LINGO2: variants seen among roughly 807,000 people sequenced by gnomAD.
The protein encoded by LINGO2 is leucine rich repeat and Ig domain containing 2.
Under a neutral mutation model 30.6 loss-of-function variants are expected in LINGO2, and 14 were observed. That is an observed-to-expected ratio of 0.46 (90% CI 0.30 to 0.72). LINGO2 has a LOEUF of 0.72. LINGO2 is among the 30% of genes least tolerant of loss of function. The pLI is 0.07. For missense variants in LINGO2, 729 were observed against 751.7 expected (o/e 0.97, Z 0.35); for synonymous variants, 317 against 288.5 (o/e 1.10, Z -1.00).
intron 2 of LINGO2, among the ~76,000 whole-genome samples, chr9:28,445,612 G>A (rs1231509224): frequency 6.6e-6 from 1 of 152,118 alleles, no homozygotes; most frequent in Non-Finnish European, 1.5e-5. Context: ...TCAGAATAAT[G>A]TGTACAGTGT....
At position 28,457,599 on chromosome 9, in the gene LINGO2, T is replaced by C. The variant is rs185118786; in HGVS notation, c.-279+18341A>G. On this transcript the variant is annotated intron_variant, in intron 2 of 5. Transcript: ENST00000379992. ...CCAGCTAATAAAAAGAAAACAAAAA[T>C]TAAAAAAAAACCCTAAGAGATGGGG... Among the ~76,000 whole-genome samples the C allele has an allele frequency of 1.7e-3, 252 of 151,756 alleles. 1 individual carries two copies. The highest frequency in any genetic ancestry group is 5.8e-3 in the African/African-American group (240 of 41,396).
the LINGO2 span, among the ~76,000 whole-genome samples, chr9:28,676,586 C>A: frequency 1.3e-5 from 2 of 152,076 alleles, no homozygotes; most frequent in Admixed American, 1.3e-4. Flanking sequence ...CATTTTGACT[C>A]TTCTTTTTTA....
At chr9:28,395,584 G>A (rs1822007103) in intron 2 of LINGO2, among the ~76,000 whole-genome samples, 1 of 151,964 alleles carries the variant, frequency 6.6e-6, no homozygotes, top group African/African-American at 2.4e-5. Context: ...TGGTCTCCAG[G>A]GCATATACCC....
chr9:29,181,976 G>A, the LINGO2 span, among the ~76,000 whole-genome samples: 2 of 152,182 alleles, frequency 1.3e-5, no homozygotes, highest in Non-Finnish European at 2.9e-5. Context: ...TATGGTCTCT[G>A]TGAATAACAC....
At chr9:28,900,361 C>T in the LINGO2 span, among the ~76,000 whole-genome samples, 17,235 of 152,192 alleles carry the variant, frequency 0.11, 971 homozygotes, top group South Asian at 0.16. Flanking sequence ...TTAGAAGACT[C>T]ATGTGTAGCC....
chr9:28,220,626 C>T (rs1373747191), intron 4 of LINGO2, among the ~76,000 whole-genome samples: 1 of 152,128 alleles, frequency 6.6e-6, no homozygotes, highest in Non-Finnish European at 1.5e-5. Flanking sequence ...TGCTAACTTA[C>T]TCATTTGGTG....
chr9:28,090,177 A>G (rs1826036140), intron 4 of LINGO2, among the ~76,000 whole-genome samples: 1 of 152,186 alleles, frequency 6.6e-6, no homozygotes, highest in Non-Finnish European at 1.5e-5. Context: ...TATTCCAATC[A>G]ATAGAAAAAG....
chr9:28,377,187 T>A (rs1450784350), intron 2 of LINGO2, among the ~76,000 whole-genome samples: 1 of 152,164 alleles, frequency 6.6e-6, no homozygotes, highest in Non-Finnish European at 1.5e-5. Context: ...GTATGCCTGC[T>A]TCCCCTTCCA....
the LINGO2 span, among the ~76,000 whole-genome samples, chr9:29,152,231 C>A: frequency 6.6e-6 from 1 of 152,054 alleles, no homozygotes; most frequent in African/African-American, 2.4e-5. Context: ...GAAAGTTCAG[C>A]CACTAAGGAA....
At position 28,330,996 on chromosome 9, in the gene LINGO2, G is replaced by T. The variant is rs151121849; in HGVS notation, c.-245-35630C>A. Among the ~76,000 whole-genome samples the T allele has an allele frequency of 1.4e-4, 21 of 152,002 alleles. No homozygotes were observed. In the East Asian group the frequency reaches 4.1e-3, roughly 29 times the overall value. On this transcript the variant is annotated intron_variant, in intron 3 of 5. Coordinates refer to ENST00000379992, the Ensembl canonical transcript of LINGO2. ...TCTTAATGGTTATAAACTTAAATAGGCTAAATTTTCTTTATTAAACCTGTG... is the reference window on the plus strand; with the variant it reads ...TCTTAATGGTTATAAACTTAAATAGTCTAAATTTTCTTTATTAAACCTGTG...
the LINGO2 span, among the ~76,000 whole-genome samples, chr9:28,734,222 TG>T: frequency 6.6e-6 from 1 of 152,188 alleles, no homozygotes; most frequent in African/African-American, 2.4e-5. Context: ...ACAGTCAAGC[TG>T]ATATCCCAGA....
At chr9:29,144,732 C>A in the LINGO2 span, among the ~76,000 whole-genome samples, 2 of 152,056 alleles carry the variant, frequency 1.3e-5, no homozygotes, top group African/African-American at 4.8e-5. Context: ...ATCTCAAGTG[C>A]CCCTTTATGT....
chr9:27,985,795 G>C (rs1821096680), intron 5 of LINGO2, among the ~76,000 whole-genome samples: 1 of 132,226 alleles, frequency 7.6e-6, no homozygotes, highest in Non-Finnish European at 1.6e-5. Context: ...AGCAAACAGA[G>C]CAGAAGAAAG....
chr9:28,872,665 A>G, the LINGO2 span, among the ~76,000 whole-genome samples: 1 of 152,210 alleles, frequency 6.6e-6, no homozygotes, highest in East Asian at 1.9e-4. Context: ...GGTGATCATA[A>G]CCATATTGTT....
intron 4 of LINGO2, among the ~76,000 whole-genome samples, chr9:28,050,375 T>C (rs1824616839): frequency 6.6e-6 from 1 of 150,632 alleles, no homozygotes; most frequent in Non-Finnish European, 1.5e-5. Context: ...GACAGCAAAA[T>C]ATTTAATATC....
chr9:28,772,742 T>C, the LINGO2 span, among the ~76,000 whole-genome samples: 331 of 152,306 alleles, frequency 2.2e-3, 2 homozygotes, highest in African/African-American at 7.6e-3. Context: ...TTCCATATGA[T>C]ACTTGAAGAA....
At chr9:28,538,831 T>G (rs1324777171) in intron 1 of LINGO2, among the ~76,000 whole-genome samples, 1 of 152,084 alleles carries the variant, frequency 6.6e-6, no homozygotes, top group East Asian at 1.9e-4. Context: ...ATTGGGGTTT[T>G]GGGGTTTGTT....
At chr9:28,314,898 T>C (rs1179221263) in intron 3 of LINGO2, among the ~76,000 whole-genome samples, 1 of 149,054 alleles carries the variant, frequency 6.7e-6, no homozygotes, top group Non-Finnish European at 1.5e-5. Context: ...GGCAGGAGAA[T>C]GGCGTGAACC....
At chr9:29,016,990 T>C in the LINGO2 span, among the ~76,000 whole-genome samples, 1 of 152,194 alleles carries the variant, frequency 6.6e-6, no homozygotes, top group Non-Finnish European at 1.5e-5. Flanking sequence ...ACTCAATCTC[T>C]AAACATTTCT....
Sources: gnomAD v4.1 joint callset for allele counts (sites outside exome capture counted in the v4.1 genomes callset) on GRCh38, gnomAD v4.1.1 for gene constraint, MANE v1.5 for transcripts, NCBI Gene and HGNC (gene_info 2026-07-23, HGNC 2026-07-21) for gene names.